Variants in DNM1L observed in about 807,000 individuals in gnomAD.
DNM1L encodes the protein dynamin 1L.
DNM1L carries 33 observed loss-of-function variants against 92.8 expected under a neutral mutation model. The observed-to-expected ratio is 0.36, with a 90% confidence interval of 0.27 to 0.48. The LOEUF (loss-of-function observed/expected upper bound fraction) is 0.48. Among genes scored for constraint, DNM1L ranks in the 20% least tolerant of loss-of-function variants. The pLI is 0.99. For synonymous variants in DNM1L, 284 were observed against 305.0 expected, an observed-to-expected ratio of 0.93 and a Z score of 0.72; for missense variants, 485 against 888.8, an observed-to-expected ratio of 0.55 and a Z score of 5.78.
intron 1 of DNM1L, among the ~76,000 whole-genome samples, chr12:32,699,870 A>G (rs542066156): frequency 1.4e-4 from 21 of 151,852 alleles, no homozygotes; most frequent in African/African-American, 4.8e-4. Flanking sequence ...CAAACTGGTA[A>G]CTCTTGGAAG....
intron 2 of DNM1L, among the ~76,000 whole-genome samples, chr12:32,703,724 CAG>C (rs1331296100): frequency 6.6e-6 from 1 of 151,748 alleles, no homozygotes; most frequent in Non-Finnish European, 1.5e-5. Context: ...ATAGTAGATT[CAG>C]AGTAGTACAT....
chr12:32,705,981 T>C lies in DNM1L; in HGVS notation c.251-1386T>C, dbSNP rs1952909190. On this transcript the variant is annotated intron_variant, in intron 2 of 19. Transcript: ENST00000549701. ...TTCCATTTTTATTTGCCCATCCACA[T>C]TGATTGCAGGTTTTAGTGGTTCTTG... The C allele has an allele frequency of 6.6e-6, 6 of 914,096 alleles. No individual in the cohort carries two copies. The South Asian group carries it at 7.1e-5, about 11-fold the overall frequency. The allele number at this position is 914,096 out of a possible 1,614,324, so 56.6% of individuals were successfully genotyped here. A position where few individuals can be genotyped will look rare whatever the true frequency, so the allele number is the denominator to read the frequency against.
chr12:32,745,025 T>G lies in DNM1L; in HGVS notation c.*1615T>G, dbSNP rs765840137. The G allele has an allele frequency of 5.8e-6, 3 of 514,084 alleles. No homozygotes were observed. In the Admixed American group the frequency reaches 6.0e-5, roughly 10 times the overall value. The allele number at this position is 514,084 out of a possible 1,614,324, so 31.8% of individuals were successfully genotyped here. On this transcript the variant is annotated 3_prime_UTR_variant, in exon 20 of 20. Transcript: ENST00000549701. The stretch of plus-strand genomic sequence containing the variant: ...ATATGAATATGTTAACTTTAGCTTA[T>G]GGCATCAATTTACTAAGGAACAACA...
rs141378422 is a variant in DNM1L, at chr12:32,692,157, AATT to A, written c.103-9254_103-9252del. On this transcript the variant is annotated intron_variant, in intron 1 of 19. Coordinates refer to ENST00000549701, the MANE Select transcript of DNM1L (RefSeq NM_012062.5). ...CTTTTTGGGTGGTGATATATATTTT[AATT>A]ATTTAAAATTTTGCTCATTCCATTC... 1.3e-3 allele frequency among the ~76,000 whole-genome samples: 204 copies of A among 152,254 alleles called. No homozygotes were observed. The East Asian group carries it at 0.026, about 20-fold the overall frequency.
intron 1 of DNM1L, among the ~76,000 whole-genome samples, chr12:32,692,185 C>T (rs1952260411): frequency 6.6e-6 from 1 of 151,986 alleles, no homozygotes; most frequent in Non-Finnish European, 1.5e-5. Flanking sequence ...TCATTCCATT[C>T]TATAGAATAA....
At chr12:32,694,426 G>A (rs570412546) in intron 1 of DNM1L, among the ~76,000 whole-genome samples, 5 of 152,166 alleles carry the variant, frequency 3.3e-5, no homozygotes, top group Non-Finnish European at 7.3e-5. Context: ...ATAATATGTG[G>A]TCTTTTGTGA....
chr12:32,695,954 G>A (rs923349343), intron 1 of DNM1L, among the ~76,000 whole-genome samples: 3 of 152,124 alleles, frequency 2.0e-5, no homozygotes, highest in Admixed American at 6.5e-5. Flanking sequence ...AAATTGACAC[G>A]TTGGAAACAA....
chr12:32,735,628 C>T (rs767571576), intron 13 of DNM1L, among the ~76,000 whole-genome samples: 39 of 152,230 alleles, frequency 2.6e-4, no homozygotes, highest in African/African-American at 5.3e-4. Context: ...TGCCTGTAAT[C>T]CCAGCACTTT....
chr12:32,730,926 T>C, intron 9 of DNM1L, 88 bp from the exon 10 acceptor site: 1 of 1,577,248 alleles, frequency 6.3e-7, no homozygotes, highest in Non-Finnish European at 8.7e-7. Flanking sequence ...GAAAATAAGA[T>C]GAGCTTAAAG....
In DNM1L at chr12:32,744,384, AT is replaced by A. The variant is rs1955513666; in HGVS notation, c.*976del. ...AGCTTCATACCAACAAAATATATTT[AT>A]TAGAATAGTATGAAAGTACTGGAGG... On this transcript the variant is annotated 3_prime_UTR_variant, in exon 20 of 20. Transcript: ENST00000549701. The A allele has an allele frequency of 6.4e-6, 1 of 157,004 alleles. No homozygotes were observed. The highest frequency in any genetic ancestry group is 2.4e-5 in the African/African-American group (1 of 41,494). The allele number at this position is 157,004 out of a possible 1,614,324, so 9.7% of individuals were successfully genotyped here.
rs35814379 is a variant in DNM1L, at chr12:32,702,702, GA to G, written c.250+1148del. ...TGACTTGAATTTTTTTTTTAATGGG[GA>G]AAAAAAACCTCATGAGCATCTGCTA... On this transcript the variant is annotated intron_variant, in intron 2 of 19. Coordinates refer to ENST00000549701, the MANE Select transcript of DNM1L (RefSeq NM_012062.5). 2.4e-3 allele frequency among the ~76,000 whole-genome samples: 356 copies of G among 151,200 alleles called. 2 individuals carry two copies. Among genetic ancestry groups the G allele is most frequent in the East Asian group, 0.016 (83 of 5,154 alleles).
chr12:32,680,998 CATAA>C (rs1473342158), intron 1 of DNM1L, among the ~76,000 whole-genome samples: 5 of 152,142 alleles, frequency 3.3e-5, no homozygotes, highest in African/African-American at 4.8e-5. Flanking sequence ...AGTGTGTCAG[CATAA>C]ATAGTTTAAA....
intron 9 of DNM1L, chr12:32,726,799 T>A (rs1450640187): frequency 1.6e-6 from 1 of 621,276 alleles, no homozygotes; most frequent in African/African-American, 1.8e-5. Flanking sequence ...CAACCCATAA[T>A]TTCTTGTCCA....
At chr12:32,686,830 G>A (rs1157110414) in intron 1 of DNM1L, among the ~76,000 whole-genome samples, 1 of 152,018 alleles carries the variant, frequency 6.6e-6, no homozygotes, top group African/African-American at 2.4e-5. Context: ...ATCCTAATGG[G>A]TGTGAAGTTT....
At chr12:32,681,631 G>A (rs115362774) in intron 1 of DNM1L, among the ~76,000 whole-genome samples, 2,558 of 139,420 alleles carry the variant, frequency 0.018, 86 homozygotes, top group African/African-American at 0.067. Flanking sequence ...AGTGTGTTGG[G>A]GAAACAAGAA....
chr12:32,719,854 T>C (rs1953724630), intron 7 of DNM1L, among the ~76,000 whole-genome samples: 1 of 152,180 alleles, frequency 6.6e-6, no homozygotes, highest in Non-Finnish European at 1.5e-5. Context: ...CCTCAGGTTA[T>C]ACATTTAACC....
At chr12:32,726,806 T>C in intron 9 of DNM1L, 1 of 621,310 alleles carries the variant, frequency 1.6e-6, no homozygotes, top group Non-Finnish European at 2.9e-6. Context: ...TAATTTCTTG[T>C]CCATCAAAGG....
At chr12:32,725,908 CG>C (rs1330877462) in intron 9 of DNM1L, among the ~76,000 whole-genome samples, 1 of 145,094 alleles carries the variant, frequency 6.9e-6, no homozygotes. Context: ...ACTGGCATGC[CG>C]GTTTTTTTTT....
intron 1 of DNM1L, among the ~76,000 whole-genome samples, chr12:32,694,644 A>G (rs550802561): frequency 1.3e-5 from 2 of 152,314 alleles, no homozygotes; most frequent in South Asian, 2.1e-4. Flanking sequence ...AAATATCTAT[A>G]TGACTTTCCC....
Sources: gnomAD v4.1 joint callset for allele counts (sites outside exome capture counted in the v4.1 genomes callset) on GRCh38, gnomAD v4.1.1 for gene constraint, MANE v1.5 for transcripts, NCBI Gene and HGNC (gene_info 2026-07-23, HGNC 2026-07-21) for gene names.